The following TEX15 variants were observed in gnomAD, a reference collection of about 807,000 sequenced individuals.
TEX15 encodes the protein testis expressed 15, meiosis and synapsis associated.
TEX15 carries 171 observed loss-of-function variants against 237.3 expected under a neutral mutation model. The observed-to-expected ratio is 0.72, with a 90% CI of 0.64 to 0.82. The LOEUF (loss-of-function observed/expected upper bound fraction) is 0.82. Ranked by LOEUF, TEX15 falls within the 40% of genes least tolerant of loss-of-function variation. The pLI is 0.00. For missense variants in TEX15, 3,750 were observed against 3,646.5 expected, an observed-to-expected ratio of 1.03 and a Z score of -0.73; for synonymous variants, 1,338 against 1,269.8, an observed-to-expected ratio of 1.05 and a Z score of -1.14.
intron 5 of TEX15, among the ~76,000 whole-genome samples, chr8:30,864,114 G>C (rs1387072505): frequency 1.3e-5 from 2 of 151,914 alleles, no homozygotes; most frequent in African/African-American, 4.8e-5. Flanking sequence ...TCAATAAAGA[G>C]AAAACTTAAA....
intron 6 of TEX15, among the ~76,000 whole-genome samples, chr8:30,859,477 G>C (rs915277669): frequency 1.6e-4 from 25 of 151,928 alleles, no homozygotes; most frequent in Non-Finnish European, 7.4e-5. Flanking sequence ...GTGGTGTTTT[G>C]ATATATGTAT....
chr8:30,856,304 A>G (rs1807910774), intron 7 of TEX15, among the ~76,000 whole-genome samples: 1 of 151,402 alleles, frequency 6.6e-6, no homozygotes. Flanking sequence ...CTGTAATCCC[A>G]GCACTTCTGG....
At chr8:30,892,957 C>T (rs1232283173) in intron 2 of TEX15, among the ~76,000 whole-genome samples, 6 of 147,908 alleles carry the variant, frequency 4.1e-5, no homozygotes, top group Admixed American at 2.8e-4. Flanking sequence ...AGCGTGAACC[C>T]GGGAGGTGGA....
chr8:30,846,076 A>G lies in TEX15; in HGVS notation c.4091T>C (p.Leu1364Pro). 1 of 1,613,406 alleles carries G rather than the reference A, an allele frequency of 6.2e-7. No homozygotes were observed. The highest frequency in any genetic ancestry group is 2.2e-5 in the East Asian group (1 of 44,832). ...TTTACATAAAGATGCTTCATCACTT[A>G]GGATATTTAGGACACTCTTAATGTG... ...EKHIKSVLNI[L>P]SDEASLCKSK... is the part of the protein sequence containing the mutation. Residue 1364 changes from leucine (L) to proline (P), a missense_variant, in exon 8 of 11, where the codon CTA (leucine) becomes CCA (proline). Leu to Pro is a moderately conservative substitution (Grantham distance 98, BLOSUM62 -3). Coordinates refer to ENST00000643185, the MANE Select transcript of TEX15 (RefSeq NM_001350162.2).
Position 30,845,588 on chromosome 8 carries a change from T to G in TEX15, c.4579A>C (p.Ser1527Arg), listed in dbSNP as rs1421726048. 1 of 1,613,628 alleles carries G rather than the reference T, an allele frequency of 6.2e-7. No homozygotes were observed. Among genetic ancestry groups the G allele is most frequent in the African/African-American group, 1.3e-5 (1 of 75,028 alleles). Residue 1527 changes from serine to arginine, a missense_variant, in exon 8 of 11, where the codon AGT becomes CGT. Physicochemically the swap from Ser to Arg is moderately radical, Grantham distance 110. Transcript: ENST00000643185. Reference protein sequence around the residue: ...SQLPVSSTSQSTSQSVYYNSS... With the variant: ...SQLPVSSTSQRTSQSVYYNSS... ...TTATAATAAACTGACTGACTTGTACTTTGGGATGTGGAGGATACAGGCAAC... is the reference window on the plus strand; with the variant it reads ...TTATAATAAACTGACTGACTTGTACGTTGGGATGTGGAGGATACAGGCAAC...
chr8:30,847,752 A>G lies in TEX15; in HGVS notation c.2415T>C (p.Cys805=). 3.1e-6 allele frequency: 5 copies of G among 1,613,714 alleles called. No individual in the cohort carries two copies. The highest frequency in any genetic ancestry group is 4.2e-6 in the Non-Finnish European group (5 of 1,179,916). The change falls in exon 8 of 11, where the codon TGT becomes TGC. Residue 805 remains cysteine, a synonymous_variant. Coordinates refer to ENST00000643185, the MANE Select transcript of TEX15 (RefSeq NM_001350162.2). ...GTTCATTTTCATTTTTCCTATGGAC[A>G]CATATATGTTCTCTAGTTATGCTGC... ...SNCSITREHI[C]VHRKNENEPV...
chr8:30,878,664 T>C (rs1360531410), intron 3 of TEX15, among the ~76,000 whole-genome samples: 3 of 152,056 alleles, frequency 2.0e-5, no homozygotes, highest in Non-Finnish European at 2.9e-5. Flanking sequence ...TGGGAATACA[T>C]GCGTGAGCCA....
At position 30,836,900 on chromosome 8, in the gene TEX15, T is replaced by A; in HGVS notation, c.9384A>T (p.Pro3128=). 6.2e-7 allele frequency: 1 copy of A among 1,614,170 alleles called. No homozygotes were observed. Among genetic ancestry groups the A allele is most frequent in the Non-Finnish European group, 8.5e-7 (1 of 1,180,034 alleles). The change falls in exon 10 of 11, where the codon CCA becomes CCT. Residue 3128 remains proline (P), a synonymous_variant. Transcript: ENST00000643185. ...SQIPASNFRQ[P]IFSQYASHQP... is the part of the protein sequence containing the mutation. Reference sequence around the variant, plus strand: ...GATGAGAAGCATATTGTGAAAAAATTGGCTGCCGAAAATTAGAAGCAGGTA... The same window carrying A: ...GATGAGAAGCATATTGTGAAAAAATAGGCTGCCGAAAATTAGAAGCAGGTA...
rs140117011 is a variant in TEX15, at chr8:30,843,258, C to T, written c.6909G>A (p.Val2303=). Residue 2303 remains valine, a synonymous_variant, in exon 8 of 11, where the codon GTG becomes GTA. Coordinates refer to ENST00000643185, the MANE Select transcript of TEX15 (RefSeq NM_001350162.2). ...GCAACTTAGAAAAGGCACATTTATT[C>T]ACTCTGAGTAGCCTTTCTTCGTCCT... The part of the protein sequence containing the change: ...QKKDEERLLR[V]NKCAFSKLQK... 657 of 1,612,948 alleles carry T rather than the reference C, an allele frequency of 4.1e-4. 2 individuals carry two copies. In the African/African-American group the frequency reaches 7.8e-3, roughly 19 times the overall value.
At chr8:30,893,019 C>A (rs1369050753) in intron 2 of TEX15, among the ~76,000 whole-genome samples, 7 of 132,900 alleles carry the variant, frequency 5.3e-5, no homozygotes, top group African/African-American at 1.8e-4. Context: ...GGCGACAGAG[C>A]GAGACTCTGC....
intron 1 of TEX15, among the ~76,000 whole-genome samples, chr8:30,912,382 C>T (rs1200981681): frequency 6.6e-6 from 1 of 151,628 alleles, no homozygotes; most frequent in Non-Finnish European, 1.5e-5. Flanking sequence ...CCACGAAGAT[C>T]CCCACGCGCC....
Position 30,844,060 on chromosome 8 carries a change from C to T in TEX15, c.6107G>A (p.Arg2036Lys), listed in dbSNP as rs565647379. ...TTGTTCAACTGAACATTCTTGCTTT[C>T]TTTCAAAAGCTTCCACAAATAAAGG... ...ILPLFVEAFE[R>K]KQECSVEQIL... is the part of the protein sequence containing the mutation. The change falls in exon 8 of 11, where the codon AGA (arginine) becomes AAA (lysine). Residue 2036 changes from arginine to lysine, a missense_variant. Physicochemically the swap from Arg to Lys is conservative, Grantham distance 26. Coordinates refer to ENST00000643185, the MANE Select transcript of TEX15 (RefSeq NM_001350162.2). 2.3e-5 allele frequency: 37 copies of T among 1,611,764 alleles called. No individual in the cohort carries two copies. In the South Asian group the frequency reaches 2.4e-4, roughly 11 times the overall value.
Position 30,846,955 on chromosome 8 carries a change from G to A in TEX15, c.3212C>T (p.Ala1071Val). The A allele has an allele frequency of 6.2e-7, 1 of 1,613,602 alleles. No homozygotes were observed. Among genetic ancestry groups the A allele is most frequent in the Non-Finnish European group, 8.5e-7 (1 of 1,179,644 alleles). The change falls in exon 8 of 11, where the codon GCT becomes GTT. Residue 1071 changes from alanine to valine, a missense_variant. Coordinates refer to ENST00000643185, the MANE Select transcript of TEX15 (RefSeq NM_001350162.2). ...ATGTGTATCTTGTTGAAATATAAAA[G>A]CATCATCACAATCTTCTAATTCTAT... ...IEIELEDCDD[A>V]FIFQQDTHSH...
At chr8:30,910,698 C>T (rs1159298586) in intron 1 of TEX15, among the ~76,000 whole-genome samples, 2 of 150,168 alleles carry the variant, frequency 1.3e-5, no homozygotes, top group Non-Finnish European at 2.9e-5. Flanking sequence ...CAATCTCCCA[C>T]CTTGGCCTCC....
Position 30,844,621 on chromosome 8 carries a change from T to C in TEX15, c.5546A>G (p.Gln1849Arg). Residue 1849 changes from glutamine to arginine, a missense_variant, in exon 8 of 11, where the codon CAA becomes CGA. By Grantham distance (43) the Gln-to-Arg change is conservative. Coordinates refer to ENST00000643185, the MANE Select transcript of TEX15 (RefSeq NM_001350162.2). Reference sequence around the variant, plus strand: ...AACAGAATCTTTTGCTTTTTCCGCTTGTTTAACTTTCCACGTTATTCTGTC... The same window carrying C: ...AACAGAATCTTTTGCTTTTTCCGCTCGTTTAACTTTCCACGTTATTCTGTC... The part of the protein sequence containing the change: ...TEDRITWKVK[Q>R]AEKAKDSVYK... The C allele has an allele frequency of 6.2e-7, 1 of 1,613,444 alleles. No individual in the cohort carries two copies. Among genetic ancestry groups the C allele is most frequent in the Middle Eastern group, 1.7e-4 (1 of 6,048 alleles).
At chr8:30,871,729 AG>A (rs1808295906) in intron 4 of TEX15, among the ~76,000 whole-genome samples, 1 of 152,140 alleles carries the variant, frequency 6.6e-6, no homozygotes, top group South Asian at 2.1e-4. Context: ...CCACCTCACA[AG>A]GAGGGAACAA....
rs745843845 is a variant in TEX15, at chr8:30,847,228, G to T, written c.2939C>A (p.Ala980Asp). 1 of 1,613,816 alleles carries T rather than the reference G, an allele frequency of 6.2e-7. No individual in the cohort carries two copies. The highest frequency in any genetic ancestry group is 8.5e-7 in the Non-Finnish European group (1 of 1,179,866). The change falls in exon 8 of 11, where the codon GCC becomes GAC. Residue 980 changes from alanine to aspartate, a missense_variant. By Grantham distance (126) the Ala-to-Asp change is moderately radical. Coordinates refer to ENST00000643185, the MANE Select transcript of TEX15 (RefSeq NM_001350162.2). Reference protein sequence around the residue: ...PKTASSSVCVASNAAIQIASA... With the variant: ...PKTASSSVCVDSNAAIQIASA... ...AGCTATCTGTATTGCAGCATTTGAG[G>T]CTACACACACTGAAGAACTTGCAGT...
chr8:30,848,467 T>G lies in TEX15; in HGVS notation c.1700A>C (p.Glu567Ala). The change falls in exon 8 of 11, where the codon GAG becomes GCG. Residue 567 changes from glutamate (E) to alanine (A), a missense_variant. Coordinates refer to ENST00000643185, the MANE Select transcript of TEX15 (RefSeq NM_001350162.2). ...CTCTTTTGTATAAGCATTACCGGAC[T>G]CCTGTTGGGCTCTCTGAGCCTTCTC... ...SEEKAQRAQQ[E>A]SGNAYTKEYS... 1 of 1,614,164 alleles carries G rather than the reference T, an allele frequency of 6.2e-7. No homozygotes were observed. Among genetic ancestry groups the G allele is most frequent in the Non-Finnish European group, 8.5e-7 (1 of 1,179,994 alleles).
intron 9 of TEX15, 96 bp from the exon 10 acceptor site, chr8:30,838,157 G>A: frequency 9.0e-6 from 10 of 1,111,110 alleles, no homozygotes; most frequent in Non-Finnish European, 9.9e-6. Flanking sequence ...TCCAGGGGAA[G>A]AGTTCTTAAG....
Sources: gnomAD v4.1 joint callset for allele counts (sites outside exome capture counted in the v4.1 genomes callset) on GRCh38, gnomAD v4.1.1 for gene constraint, MANE v1.5 for transcripts, NCBI Gene and HGNC (gene_info 2026-07-23, HGNC 2026-07-21) for gene names.